The following SLC32A1 variants were observed in gnomAD, a reference collection of about 807,000 sequenced individuals.
SLC32A1 encodes vesicular inhibitory amino acid transporter.
A neutral mutation model predicts 35.5 loss-of-function variants in SLC32A1; 8 were observed. The observed-to-expected ratio is 0.23, with a 90% confidence interval of 0.13 to 0.41. SLC32A1 has a LOEUF of 0.41. SLC32A1 is among the 10% of genes least tolerant of loss of function. The pLI is 1.00. For synonymous variants in SLC32A1, 317 were observed against 326.3 expected, an observed-to-expected ratio of 0.97 and a Z score of 0.31; for missense variants, 493 against 722.3, an observed-to-expected ratio of 0.68 and a Z score of 3.64.
In SLC32A1 at chr20:38,726,357, C is replaced by T. The variant is rs1278721126; in HGVS notation, c.391-1095C>T. ...CAGATGGCCCGACCCAAGGCGCTTT[C>T]CGCTCCGGGGCCCGGCGAGACGGCC... On this transcript the variant is annotated intron_variant, in intron 1 of 1. Transcript: ENST00000217420. This position sits in a 1 kb window ranked among gnomAD's most constrained non-coding sequence, Gnocchi z 4.7. 2.0e-5 allele frequency among the ~76,000 whole-genome samples: 3 copies of T among 152,174 alleles called. No individual in the cohort carries two copies. The highest frequency in any genetic ancestry group is 4.4e-5 in the Non-Finnish European group (3 of 68,036).
chr20:38,724,696 C>T lies in SLC32A1; in HGVS notation c.-29C>T, dbSNP rs772997998. 2.5e-6 allele frequency: 4 copies of T among 1,572,044 alleles called. No homozygotes were observed. The highest frequency in any genetic ancestry group is 3.4e-6 in the Non-Finnish European group (4 of 1,161,112). On this transcript the variant is annotated 5_prime_UTR_variant, in exon 1 of 2. Coordinates refer to ENST00000217420, the MANE Select transcript of SLC32A1 (RefSeq NM_080552.3). Reference sequence around the variant, plus strand: ...GCGTTCCCCGCATCCTCGGGTCCTTCTGTCCTTTCCGCTGTCCCCACCGCC... The same window carrying T: ...GCGTTCCCCGCATCCTCGGGTCCTTTTGTCCTTTCCGCTGTCCCCACCGCC...
At chr20:38,725,352 CG>C (rs1252292269) in intron 1 of SLC32A1, among the ~76,000 whole-genome samples, 1 of 152,178 alleles carries the variant, frequency 6.6e-6, no homozygotes, top group Non-Finnish European at 1.5e-5. Flanking sequence ...GGCTGAAGTT[CG>C]GTCTGAGACA....
At chr20:38,725,275 G>GC (rs998754275) in intron 1 of SLC32A1, among the ~76,000 whole-genome samples, 161 bp downstream of exon 1, 4 of 152,118 alleles carry the variant, frequency 2.6e-5, no homozygotes, top group African/African-American at 9.7e-5. Flanking sequence ...GGGGACCTAC[G>GC]CCCCCAGGCG....
Position 38,724,959 on chromosome 20 carries a change from G to A in SLC32A1, c.235G>A (p.Val79Ile). The stretch of plus-strand genomic sequence containing the variant: ...CGGGGACGAGGGCGCTGAAGCGCCC[G>A]TCGAGGGAGACATCCATTATCAGCG... ...PCGDEGAEAPVEGDIHYQRGS... is the reference protein window; with the variant it reads ...PCGDEGAEAPIEGDIHYQRGS... Residue 79 changes from valine to isoleucine, a missense_variant, in exon 1 of 2, where the codon GTC becomes ATC. Val to Ile is a conservative substitution (Grantham distance 29). Around this residue, in one of 4 missense-constraint regions of SLC32A1, gnomAD observed 133 missense variants for 145.9 expected, o/e 0.91. Coordinates refer to ENST00000217420, the MANE Select transcript of SLC32A1 (RefSeq NM_080552.3). 1.2e-6 allele frequency: 2 copies of A among 1,604,180 alleles called. No individual in the cohort carries two copies. Among genetic ancestry groups the A allele is most frequent in the South Asian group, 1.1e-5 (1 of 90,320 alleles).
chr20:38,724,567 G>A lies in SLC32A1; in HGVS notation c.-158G>A, dbSNP rs187217251. 71 of 935,176 alleles carry A rather than the reference G, an allele frequency of 7.6e-5. No homozygotes were observed. The East Asian group carries it at 1.9e-3, about 26-fold the overall frequency. 57.9% of individuals were successfully genotyped at this position (935,176 alleles called of 1,614,324 possible). A position where few individuals can be genotyped will look rare whatever the true frequency, so the allele number is the denominator to read the frequency against. On this transcript the variant is annotated 5_prime_UTR_variant, in exon 1 of 2. Transcript: ENST00000217420. The stretch of plus-strand genomic sequence containing the variant: ...CCCGGTCCAGCCCTGAGAGAGCCTC[G>A]AACGCCAGCTGCGAGGGTCATGAGC...
chr20:38,726,504 G>A lies in SLC32A1; in HGVS notation c.391-948G>A, dbSNP rs1031896588. Among the ~76,000 whole-genome samples the A allele has an allele frequency of 1.3e-5, 2 of 152,162 alleles. No homozygotes were observed. The highest frequency in any genetic ancestry group is 2.4e-5 in the African/African-American group (1 of 41,448). ...GGCCAGGGCAGGAGGCTGGAGGCTCGTAGGCCTCCGGGACCCTGGATTTCG... is the reference window on the plus strand; with the variant it reads ...GGCCAGGGCAGGAGGCTGGAGGCTCATAGGCCTCCGGGACCCTGGATTTCG... On this transcript the variant is annotated intron_variant, in intron 1 of 1. Coordinates refer to ENST00000217420, the MANE Select transcript of SLC32A1 (RefSeq NM_080552.3). This position sits in a 1 kb window ranked among gnomAD's most constrained non-coding sequence, Gnocchi z 4.7.
Position 38,728,598 on chromosome 20 carries a change from G to A in SLC32A1, c.1537G>A (p.Glu513Lys). 1 of 1,611,898 alleles carries A rather than the reference G, an allele frequency of 6.2e-7. No homozygotes were observed. Residue 513 changes from glutamate to lysine, a missense_variant, in exon 2 of 2, where the codon GAG (glutamate) becomes AAG (lysine). Physicochemically the swap from Glu to Lys is moderately conservative, Grantham distance 56. Transcript: ENST00000217420. Reference protein sequence around the residue: ...CSVSGFVHSLEGLIEAYRTNA... With the variant: ...CSVSGFVHSLKGLIEAYRTNA... The stretch of plus-strand genomic sequence containing the variant: ...CGTGTCCGGCTTCGTGCACTCCCTC[G>A]AGGGCCTCATCGAAGCCTACCGAAC...
chr20:38,728,343 C>T lies in SLC32A1; in HGVS notation c.1282C>T (p.Leu428=). 1 of 1,613,000 alleles carries T rather than the reference C, an allele frequency of 6.2e-7. No homozygotes were observed. The highest frequency in any genetic ancestry group is 8.5e-7 in the Non-Finnish European group (1 of 1,179,768). Residue 428 remains leucine, a synonymous_variant, in exon 2 of 2, where the codon CTG becomes TTG. Coordinates refer to ENST00000217420, the MANE Select transcript of SLC32A1 (RefSeq NM_080552.3). ...GGCCTGCTACAGCGGCGACGGGCGC[C>T]TGAAGTCCTGGGGGCTGACGCTGCG... is the stretch of plus-strand genomic sequence containing the variant. ...FPACYSGDGR[L]KSWGLTLRCA...
At chr20:38,725,265 G>C in intron 1 of SLC32A1, 151 bp downstream of exon 1, 1 of 1,027,320 alleles carries the variant, frequency 9.7e-7, no homozygotes, top group Non-Finnish European at 1.3e-6. Flanking sequence ...AGCCCTGCGC[G>C]GGGACCTACG....
rs986326477 is a variant in SLC32A1 at position 38,728,072 on chromosome 20, C to G, written c.1011C>G (p.His337Gln). ...EGNMQQPSEFHCMMNWTHIAA... is the reference protein window; with the variant it reads ...EGNMQQPSEFQCMMNWTHIAA... ...ATATGCAGCAGCCCAGCGAGTTCCA[C>G]TGCATGATGAACTGGACGCACATCG... Residue 337 changes from histidine (H) to glutamine (Q), a missense_variant, in exon 2 of 2, where the codon CAC becomes CAG. This residue lies in a region of SLC32A1 where 269 missense variants were observed against 445.6 expected (regional missense o/e 0.60). Transcript: ENST00000217420. 2 of 1,613,956 alleles carry G rather than the reference C, an allele frequency of 1.2e-6. No homozygotes were observed. Among genetic ancestry groups the G allele is most frequent in the Non-Finnish European group, 8.5e-7 (1 of 1,180,056 alleles).
chr20:38,728,783 GA>G lies in SLC32A1; in HGVS notation c.*145del. The stretch of plus-strand genomic sequence containing the variant: ...GGTTCCTAGTTTCTGATTATTCGGG[GA>G]TGGGGGGGATGGGAGGGGACAGGGA... On this transcript the variant is annotated 3_prime_UTR_variant, in exon 2 of 2. Coordinates refer to ENST00000217420, the MANE Select transcript of SLC32A1 (RefSeq NM_080552.3). 1 of 368,740 alleles carries G rather than the reference GA, an allele frequency of 2.7e-6. No homozygotes were observed. Among genetic ancestry groups the G allele is most frequent in the East Asian group, 6.8e-5 (1 of 14,674 alleles). The allele number at this position is 368,740 out of a possible 1,614,324, so 22.8% of individuals were successfully genotyped here. A position where few individuals can be genotyped will look rare whatever the true frequency, so the allele number is the denominator to read the frequency against.
Position 38,728,355 on chromosome 20 carries a change from G to A in SLC32A1, c.1294G>A (p.Gly432Arg). The A allele has an allele frequency of 6.2e-7, 1 of 1,612,538 alleles. No homozygotes were observed. The highest frequency in any genetic ancestry group is 1.1e-5 in the South Asian group (1 of 91,054). ...YSGDGRLKSW[G>R]LTLRCALVVF... ...CGGCGACGGGCGCCTGAAGTCCTGGGGGCTGACGCTGCGCTGCGCGCTCGT... is the reference window on the plus strand; with the variant it reads ...CGGCGACGGGCGCCTGAAGTCCTGGAGGCTGACGCTGCGCTGCGCGCTCGT... Residue 432 changes from glycine to arginine, a missense_variant, in exon 2 of 2, where the codon GGG (glycine) becomes AGG (arginine). By Grantham distance (125) the Gly-to-Arg change is moderately radical. Around this residue, in one of 4 missense-constraint regions of SLC32A1, gnomAD observed 269 missense variants for 445.6 expected, o/e 0.60. Coordinates refer to ENST00000217420, the MANE Select transcript of SLC32A1 (RefSeq NM_080552.3).
chr20:38,725,154 C>A, intron 1 of SLC32A1, 40 bp downstream of exon 1: 1 of 1,501,398 alleles, frequency 6.7e-7, no homozygotes, highest in East Asian at 2.4e-5. Flanking sequence ...CCTCCCCCCT[C>A]CCAGCTCAGC....
rs892001363 is a variant in SLC32A1, at chr20:38,726,971, C to T, written c.391-481C>T. ...GCTCCCGTGCCCCATTCCAGCCCCA[C>T]CACAAATCCCGTGCCCACTCTTTCC... is the stretch of plus-strand genomic sequence containing the variant. On this transcript the variant is annotated intron_variant, in intron 1 of 1. Transcript: ENST00000217420. This position sits in a 1 kb window ranked among gnomAD's most constrained non-coding sequence, Gnocchi z 4.7. 1.9e-4 allele frequency among the ~76,000 whole-genome samples: 29 copies of T among 152,108 alleles called. No homozygotes were observed. The highest frequency in any genetic ancestry group is 7.0e-4 in the African/African-American group (29 of 41,418).
At position 38,727,446 on chromosome 20, in the gene SLC32A1, C is replaced by T. The variant is rs2084280954; in HGVS notation, c.391-6C>T. On this transcript the variant is annotated splice_region_variant and splice_polypyrimidine_tract_variant and intron_variant, in intron 1 of 1. Coordinates refer to ENST00000217420, the MANE Select transcript of SLC32A1 (RefSeq NM_080552.3). ...GTCCGCGTCTGGTTGCCTCTCCGCC[C>T]CACAGGGCATGTTCGTGCTGGGCCT... 2 of 1,603,832 alleles carry T rather than the reference C, an allele frequency of 1.2e-6. No individual in the cohort carries two copies.
chr20:38,725,143 T>A (rs1453650623), intron 1 of SLC32A1, 29 bp downstream of exon 1: 1 of 1,502,350 alleles, frequency 6.7e-7, no homozygotes, highest in African/African-American at 1.4e-5. Flanking sequence ...GTTCTGCCTG[T>A]CCTCCCCCCT....
At chr20:38,725,163 G>A (rs1324282349) in intron 1 of SLC32A1, 49 bp downstream of exon 1, 2 of 1,498,780 alleles carry the variant, frequency 1.3e-6, no homozygotes, top group Admixed American at 2.4e-5. Flanking sequence ...TCCCAGCTCA[G>A]CGTGCCGGGC....
rs1256321919 is a variant in SLC32A1, at chr20:38,727,452, G to A, written c.391G>A (p.Gly131Ser). Residue 131 changes from glycine (G) to serine (S), a missense_variant and splice_region_variant, in exon 2 of 2, where the codon GGC becomes AGC. By Grantham distance (56) the Gly-to-Ser change is moderately conservative (BLOSUM62 0). Transcript: ENST00000217420. ...AGWNVTNAIQ[G>S]MFVLGLPYAI... is the part of the protein sequence containing the mutation. Reference sequence around the variant, plus strand: ...GTCTGGTTGCCTCTCCGCCCCACAGGGCATGTTCGTGCTGGGCCTACCCTA... The same window carrying A: ...GTCTGGTTGCCTCTCCGCCCCACAGAGCATGTTCGTGCTGGGCCTACCCTA... 6.2e-7 allele frequency: 1 copy of A among 1,607,088 alleles called. No homozygotes were observed. Among genetic ancestry groups the A allele is most frequent in the East Asian group, 2.2e-5 (1 of 44,832 alleles).
In SLC32A1 at chr20:38,727,781, G is replaced by A; in HGVS notation, c.720G>A (p.Gln240=). Residue 240 remains glutamine (Q), a synonymous_variant, in exon 2 of 2, where the codon CAG becomes CAA. Coordinates refer to ENST00000217420, the MANE Select transcript of SLC32A1 (RefSeq NM_080552.3). ...YNSFPGLPVS[Q]KSWSIIATAV... ...GCTTCCCGGGGCTGCCCGTGTCGCA[G>A]AAGTCCTGGTCCATTATCGCCACGG... The A allele has an allele frequency of 6.2e-7, 1 of 1,614,224 alleles. No homozygotes were observed. Among genetic ancestry groups the A allele is most frequent in the Non-Finnish European group, 8.5e-7 (1 of 1,180,050 alleles).
Sources: allele counts gnomAD v4.1 joint callset (sites outside exome capture counted in the v4.1 genomes callset), GRCh38; gene constraint gnomAD v4.1.1; regional missense constraint gnomAD v4.1.1; non-coding constraint Gnocchi (gnomAD v3.1); transcripts MANE v1.5; gene names NCBI Gene and HGNC (gene_info 2026-07-23, HGNC 2026-07-21).